Variants in VSIG1 observed in about 807,000 individuals in gnomAD.
The protein encoded by VSIG1 is V-set and immunoglobulin domain-containing protein 1.
Under a neutral mutation model 20.1 loss-of-function variants are expected in VSIG1, and 11 were observed. That is an observed-to-expected ratio of 0.55 (90% CI 0.34 to 0.91). The LOEUF (loss-of-function observed/expected upper bound fraction) is 0.91, where lower values mean the gene tolerates loss of function less well. Ranked by LOEUF, VSIG1 falls within the 40% of genes least tolerant of loss-of-function variation. The probability of loss-of-function intolerance (pLI) is 0.02; values close to 1 mark genes in which losing one functional copy is unlikely to be tolerated. For missense variants in VSIG1, 283 were observed against 298.8 expected (o/e 0.95, Z 0.39); for synonymous variants, 126 against 116.7 (o/e 1.08, Z -0.52).
At chrX:108,076,930 C>T (rs770570427) in intron 6 of VSIG1, 118 bp from the exon 7 acceptor site, 482 of 724,879 alleles carry the variant, frequency 6.6e-4, no homozygotes, top group Non-Finnish European at 9.3e-4. Context: ...TCAGAAATAA[C>T]AGATTTCCTG....
rs913879936 is a variant in VSIG1 at position 108,078,025 on chromosome X, T to G, written c.*644T>G. On this transcript the variant is annotated 3_prime_UTR_variant, in exon 7 of 7. Coordinates refer to ENST00000217957, the MANE Select transcript of VSIG1 (RefSeq NM_182607.5). ...CCCGGCCTCTTTTTAGCTACTCTTA[T>G]GTTCCACATGCACATATGACAAGGT... is the stretch of plus-strand genomic sequence containing the variant. 2 of 112,308 alleles carry G rather than the reference T, an allele frequency of 1.8e-5. No homozygotes were observed. The highest frequency in any genetic ancestry group is 3.2e-5 in the African/African-American group (1 of 30,841). 9.3% of individuals were successfully genotyped at this position (112,308 alleles called of 1,213,427 possible).
intron 5 of VSIG1, 69 bp from the exon 6 acceptor site, chrX:108,076,008 T>C (rs2031339726): frequency 1.7e-6 from 2 of 1,168,743 alleles, no homozygotes; most frequent in Non-Finnish European, 2.3e-6. Context: ...TATTCCCCAC[T>C]AGTCACAAAC....
chrX:108,044,246 G>A (rs750947578), upstream of VSIG1, among the ~76,000 whole-genome samples: 1 of 111,318 alleles, frequency 9.0e-6, no homozygotes, highest in Non-Finnish European at 1.9e-5. Context: ...AGGTTTCTCC[G>A]GGTAACTTAA....
upstream of VSIG1, among the ~76,000 whole-genome samples, chrX:108,043,592 A>T (rs1310293093): frequency 8.9e-6 from 1 of 112,032 alleles, no homozygotes; most frequent in East Asian, 2.8e-4. Context: ...GATCTATGCT[A>T]AGAATATACT....
At chrX:108,055,154 TATA>T (rs768589203) in intron 1 of VSIG1, among the ~76,000 whole-genome samples, 2 of 111,051 alleles carry the variant, frequency 1.8e-5, no homozygotes, top group African/African-American at 6.5e-5. Context: ...TCATTAAAAA[TATA>T]ATGAGAGAAT....
At chrX:108,039,655 T>C in the VSIG1 span, among the ~76,000 whole-genome samples, 1 of 110,769 alleles carries the variant, frequency 9.0e-6, no homozygotes, top group African/African-American at 3.3e-5. Flanking sequence ...GGAAGACCAG[T>C]TAGGAGGCTA....
At chrX:108,072,071 T>G (rs182206133) in intron 3 of VSIG1, among the ~76,000 whole-genome samples, 45 of 110,009 alleles carry the variant, frequency 4.1e-4, no homozygotes, top group African/African-American at 1.4e-3. Flanking sequence ...ATTTGGCTGT[T>G]TTAATAAAGG....
upstream of VSIG1, among the ~76,000 whole-genome samples, chrX:108,043,297 C>T (rs147084808): frequency 0.055 from 6,192 of 111,835 alleles, 175 homozygotes; most frequent in Non-Finnish European, 0.087. Context: ...CAGTGAGACT[C>T]ATATTATAAC....
At chrX:108,070,512 T>C (rs2031217257) in intron 3 of VSIG1, among the ~76,000 whole-genome samples, 1 of 112,539 alleles carries the variant, frequency 8.9e-6, no homozygotes, top group Non-Finnish European at 1.9e-5. Flanking sequence ...GCTCAAGAAA[T>C]GAGTGCAAGT....
chrX:108,032,761 G>A, the VSIG1 span, among the ~76,000 whole-genome samples: 1 of 111,665 alleles, frequency 9.0e-6, no homozygotes, highest in Non-Finnish European at 1.9e-5. Flanking sequence ...AGTGGCTGCA[G>A]AAGGCTGAGC....
chrX:108,052,780 TA>T (rs1305081327), intron 1 of VSIG1, among the ~76,000 whole-genome samples: 1 of 112,019 alleles, frequency 8.9e-6, no homozygotes, highest in Non-Finnish European at 1.9e-5. Context: ...TTAATTAAAA[TA>T]AAAATTAAGT....
At position 108,045,068 on chromosome X, in the gene VSIG1, T is replaced by C. The variant is rs770898805; in HGVS notation, c.-63T>C. On this transcript the variant is annotated 5_prime_UTR_variant, in exon 1 of 7. Coordinates refer to ENST00000217957, the MANE Select transcript of VSIG1 (RefSeq NM_182607.5). ...CCTCGGTGTGATCGAAGAAGCCAAT[T>C]TGAGACTCAGCCTAGTCCAGGCAAG... 1.8e-5 allele frequency: 18 copies of C among 1,025,765 alleles called. No individual in the cohort carries two copies. Among genetic ancestry groups the C allele is most frequent in the Non-Finnish European group, 2.2e-5 (17 of 770,985 alleles). 84.5% of individuals were successfully genotyped at this position (1,025,765 alleles called of 1,213,427 possible). A position where few individuals can be genotyped will look rare whatever the true frequency, so the allele number is the denominator to read the frequency against.
At chrX:108,051,724 T>C (rs35721462) in intron 1 of VSIG1, among the ~76,000 whole-genome samples, 37,832 of 109,234 alleles carry the variant, frequency 0.35, 5,245 homozygotes, top group Non-Finnish European at 0.42. Context: ...TAAAAATGCC[T>C]CAACAATCAA....
the VSIG1 span, among the ~76,000 whole-genome samples, chrX:108,034,466 C>T: frequency 8.0e-5 from 9 of 111,849 alleles, 2 homozygotes; most frequent in Non-Finnish European, 3.8e-5. Context: ...ACTCTGATAT[C>T]GTCAATTGTT....
At chrX:108,039,747 A>G in the VSIG1 span, among the ~76,000 whole-genome samples, 1 of 110,812 alleles carries the variant, frequency 9.0e-6, no homozygotes, top group Non-Finnish European at 1.9e-5. Flanking sequence ...TAGAGTCTAG[A>G]TAGGCTTGAA....
At chrX:108,028,597 T>C in the VSIG1 span, among the ~76,000 whole-genome samples, 1 of 110,499 alleles carries the variant, frequency 9.0e-6, no homozygotes, top group Admixed American at 9.6e-5. Context: ...AGTGGGTGCA[T>C]AGGAGTTGAG....
chrX:108,061,473 A>T (rs1215533038), intron 2 of VSIG1: 4 of 1,165,375 alleles, frequency 3.4e-6, no homozygotes, highest in Non-Finnish European at 4.6e-6. Flanking sequence ...AAAGGCAGTC[A>T]GTCAGTGTCT....
chrX:108,053,992 G>A (rs988085051), intron 1 of VSIG1, among the ~76,000 whole-genome samples: 3 of 111,269 alleles, frequency 2.7e-5, no homozygotes, highest in African/African-American at 9.8e-5. Flanking sequence ...CTGGAATAAG[G>A]GGGAACTACT....
chrX:108,032,269 C>T, the VSIG1 span, among the ~76,000 whole-genome samples: 79 of 112,193 alleles, frequency 7.0e-4, no homozygotes, highest in Non-Finnish European at 1.2e-3. Context: ...CTTTAGAAAA[C>T]GAATAAATGG....
Sources: gnomAD v4.1 joint callset for allele counts (sites outside exome capture counted in the v4.1 genomes callset) on GRCh38, gnomAD v4.1.1 for gene constraint, MANE v1.5 for transcripts, NCBI Gene and HGNC (gene_info 2026-07-23, HGNC 2026-07-21) for gene names.